The following ULK4 variants were observed in gnomAD, a reference collection of about 807,000 sequenced individuals.
ULK4 encodes unc-51 like kinase 4.
Under a neutral mutation model 160.6 loss-of-function variants are expected in ULK4, and 133 were observed. The ratio of observed to expected loss-of-function variants is 0.83; its 90% CI spans 0.72 to 0.96. The LOEUF is 0.96. Among genes scored for constraint, ULK4 ranks in the 40% least tolerant of loss-of-function variants. The probability of loss-of-function intolerance (pLI) is 0.00; values close to 1 mark genes in which losing one functional copy is unlikely to be tolerated. For missense variants in ULK4, 1,580 were observed against 1,499.5 expected, an observed-to-expected ratio of 1.05 and a Z score of -0.89; for synonymous variants, 534 against 539.8, an observed-to-expected ratio of 0.99 and a Z score of 0.15.
intron 5 of ULK4, among the ~76,000 whole-genome samples, chr3:41,925,883 G>C (rs1400971612): frequency 6.6e-6 from 1 of 152,162 alleles, no homozygotes; most frequent in East Asian, 1.9e-4. Flanking sequence ...CATCTCCCTG[G>C]GACAGAGCAC....
chr3:41,511,386 C>T (rs1040633868), intron 32 of ULK4, among the ~76,000 whole-genome samples: 1 of 151,712 alleles, frequency 6.6e-6, no homozygotes, highest in Admixed American at 6.6e-5. Flanking sequence ...ATTGATAGAC[C>T]ATTAGTGAGA....
chr3:41,470,032 A>AC (rs2083941662), intron 32 of ULK4, among the ~76,000 whole-genome samples: 5 of 146,012 alleles, frequency 3.4e-5, no homozygotes, highest in South Asian at 2.2e-4. Flanking sequence ...AAAAAAAAAA[A>AC]AAAAAAAAAA....
intron 18 of ULK4, among the ~76,000 whole-genome samples, chr3:41,821,528 G>C (rs2125632063): frequency 6.6e-6 from 1 of 152,300 alleles, no homozygotes; most frequent in Admixed American, 6.5e-5. Context: ...TAACAGGACA[G>C]GTTCCTCCAT....
chr3:41,313,246 G>A (rs1410774943), intron 35 of ULK4, among the ~76,000 whole-genome samples: 1 of 152,168 alleles, frequency 6.6e-6, no homozygotes, highest in Non-Finnish European at 1.5e-5. Context: ...CCTCTATAAT[G>A]CTTTGGTTTC....
chr3:41,786,152 C>G (rs759984058), intron 21 of ULK4, among the ~76,000 whole-genome samples: 1 of 152,182 alleles, frequency 6.6e-6, no homozygotes, highest in Non-Finnish European at 1.5e-5. Flanking sequence ...GACACTAAAA[C>G]TATCCCAAAT....
intron 35 of ULK4, among the ~76,000 whole-genome samples, chr3:41,300,653 T>C (rs1187663648): frequency 6.6e-6 from 1 of 151,480 alleles, no homozygotes; most frequent in Admixed American, 6.6e-5. Flanking sequence ...CCTGTACCCT[T>C]CTACAGCACC....
chr3:41,670,528 G>A (rs1420491986), intron 29 of ULK4, among the ~76,000 whole-genome samples: 2 of 152,018 alleles, frequency 1.3e-5, no homozygotes, highest in Non-Finnish European at 2.9e-5. Flanking sequence ...GAAATGGACA[G>A]TTGGGTGGGA....
intron 35 of ULK4, among the ~76,000 whole-genome samples, chr3:41,353,045 C>T (rs932215289): frequency 6.6e-6 from 1 of 152,224 alleles, no homozygotes; most frequent in Admixed American, 6.5e-5. Flanking sequence ...TCAAAGCCAG[C>T]TGTATGTGGT....
chr3:41,853,406 G>A (rs372757244), intron 17 of ULK4, among the ~76,000 whole-genome samples: 1 of 152,198 alleles, frequency 6.6e-6, no homozygotes, highest in Non-Finnish European at 1.5e-5. Flanking sequence ...CTGGGCATAA[G>A]AACTTATTTA....
chr3:41,799,711 A>C (rs1370095185), intron 20 of ULK4, among the ~76,000 whole-genome samples: 1 of 152,044 alleles, frequency 6.6e-6, no homozygotes, highest in African/African-American at 2.4e-5. Flanking sequence ...AAATACAAAA[A>C]AATAAGCCAG....
At chr3:41,952,985 G>A (rs1448805549) in intron 2 of ULK4, among the ~76,000 whole-genome samples, 1 of 151,984 alleles carries the variant, frequency 6.6e-6, no homozygotes, top group Non-Finnish European at 1.5e-5. Flanking sequence ...CATTTATATA[G>A]AGTAGTCAAA....
intron 32 of ULK4, among the ~76,000 whole-genome samples, chr3:41,487,814 T>G (rs2125903069): frequency 6.6e-6 from 1 of 152,238 alleles, no homozygotes; most frequent in Middle Eastern, 3.4e-3. Context: ...GACAAAAGAC[T>G]AAATAAAGTT....
At chr3:41,915,876 G>A (rs1055583300) in intron 8 of ULK4, 101 bp downstream of exon 8, 1 of 774,282 alleles carries the variant, frequency 1.3e-6, no homozygotes, top group Non-Finnish European at 2.1e-6. Flanking sequence ...TACATAAAAG[G>A]GGGAAAAGAT....
Position 41,715,304 on chromosome 3 carries a change from A to T in ULK4, c.2578-11T>A. The T allele has an allele frequency of 1.2e-6, 2 of 1,613,870 alleles. No homozygotes were observed. Among genetic ancestry groups the T allele is most frequent in the Non-Finnish European group, 1.7e-6 (2 of 1,179,952 alleles). ...TTGAGGTCGAAATACCTGTGTGATGAGAGTTTCTACAGATTAAATTCTGGA... is the reference window on the plus strand; with the variant it reads ...TTGAGGTCGAAATACCTGTGTGATGTGAGTTTCTACAGATTAAATTCTGGA... On this transcript the variant is annotated splice_polypyrimidine_tract_variant and intron_variant, in intron 24 of 36. Coordinates refer to ENST00000301831, the MANE Select transcript of ULK4 (RefSeq NM_017886.4).
chr3:41,484,901 ACATAAAATTATTTC>A (rs2084469459), intron 32 of ULK4, among the ~76,000 whole-genome samples: 1 of 152,246 alleles, frequency 6.6e-6, no homozygotes, highest in Non-Finnish European at 1.5e-5. Flanking sequence ...TTAAAACTCT[ACATAAAATTATTTC>A]CATAAATTTT....
chr3:41,621,923 AAC>A (rs2033260588), intron 30 of ULK4, among the ~76,000 whole-genome samples: 1 of 152,206 alleles, frequency 6.6e-6, no homozygotes, highest in Non-Finnish European at 1.5e-5. Context: ...ACAAGAAAAA[AAC>A]AAACAACCCC....
intron 22 of ULK4, among the ~76,000 whole-genome samples, chr3:41,722,818 C>T (rs1282161651): frequency 6.6e-6 from 1 of 152,088 alleles, no homozygotes; most frequent in African/African-American, 2.4e-5. Context: ...GTTTATTTAA[C>T]CCATCATCCT....
intron 31 of ULK4, among the ~76,000 whole-genome samples, chr3:41,601,019 T>G (rs538490677): frequency 6.6e-6 from 1 of 152,186 alleles, no homozygotes; most frequent in African/African-American, 2.4e-5. Flanking sequence ...GACCCTTATT[T>G]AAAAAACGAA....
At chr3:41,580,116 G>C (rs2030165317) in intron 31 of ULK4, among the ~76,000 whole-genome samples, 1 of 152,116 alleles carries the variant, frequency 6.6e-6, no homozygotes, top group Non-Finnish European at 1.5e-5. Flanking sequence ...CTAATGACTA[G>C]ATGTGCCATC....
Sources: allele counts gnomAD v4.1 joint callset (sites outside exome capture counted in the v4.1 genomes callset), GRCh38; gene constraint gnomAD v4.1.1; transcripts MANE v1.5; gene names NCBI Gene and HGNC (gene_info 2026-07-23, HGNC 2026-07-21).